The following TBL1XR1 variants were observed in gnomAD, a reference collection of about 807,000 sequenced individuals.
TBL1XR1 encodes F-box-like/WD repeat-containing protein TBL1XR1.
Under a neutral mutation model 66.9 loss-of-function variants are expected in TBL1XR1, and 5 were observed. The ratio of observed to expected loss-of-function variants is 0.07; its 90% CI spans 0.04 to 0.16. The LOEUF (loss-of-function observed/expected upper bound fraction) is 0.16, where lower values mean the gene tolerates loss of function less well. Ranked by LOEUF, TBL1XR1 falls within the 10% of genes least tolerant of loss-of-function variation. The pLI is 1.00. For synonymous variants in TBL1XR1, 210 were observed against 206.0 expected (o/e 1.02, Z -0.17); for missense variants, 238 against 623.2 (o/e 0.38, Z 6.58).
intron 1 of TBL1XR1, among the ~76,000 whole-genome samples, chr3:177,118,151 C>A (rs1053493559): frequency 3.3e-5 from 5 of 152,186 alleles, no homozygotes; most frequent in Non-Finnish European, 5.9e-5. Flanking sequence ...TACCCACATT[C>A]TAAGAAACTA....
chr3:177,158,065 A>T (rs1731722469), intron 1 of TBL1XR1, among the ~76,000 whole-genome samples: 1 of 152,032 alleles, frequency 6.6e-6, no homozygotes, highest in South Asian at 2.1e-4. Flanking sequence ...AGGCTATCTC[A>T]TATATCTTAA....
rs775501857 is a variant in TBL1XR1, at chr3:177,022,874, T to C, written c.*2624A>G. Reference sequence around the variant, plus strand: ...GCAAAAATAAACAATCGTATGCTCATGAAGAACCCAAGCCTACAAAATGGA... The same window carrying C: ...GCAAAAATAAACAATCGTATGCTCACGAAGAACCCAAGCCTACAAAATGGA... On this transcript the variant is annotated 3_prime_UTR_variant, in exon 16 of 16. Transcript: ENST00000457928. 1.3e-5 allele frequency: 2 copies of C among 152,398 alleles called. No homozygotes were observed. The highest frequency in any genetic ancestry group is 2.4e-5 in the African/African-American group (1 of 41,412). The allele number at this position is 152,398 out of a possible 1,614,324, so 9.4% of individuals were successfully genotyped here. A position where few individuals can be genotyped will look rare whatever the true frequency, so the allele number is the denominator to read the frequency against.
intron 1 of TBL1XR1, among the ~76,000 whole-genome samples, chr3:177,184,340 A>G (rs956685998): frequency 2.0e-5 from 3 of 152,214 alleles, no homozygotes; most frequent in Non-Finnish European, 2.9e-5. Context: ...CAAATACTAT[A>G]ATTATTAAAG....
chr3:177,180,772 T>C (rs1331799862), intron 1 of TBL1XR1, among the ~76,000 whole-genome samples: 1 of 151,892 alleles, frequency 6.6e-6, no homozygotes, highest in Non-Finnish European at 1.5e-5. Context: ...GATTTGCTCT[T>C]GTCACCCAGG....
At chr3:177,151,794 G>A (rs890846073) in intron 1 of TBL1XR1, among the ~76,000 whole-genome samples, 1 of 152,104 alleles carries the variant, frequency 6.6e-6, no homozygotes, top group African/African-American at 2.4e-5. Context: ...CCAGCCCAAG[G>A]CAGCAGATCA....
intron 2 of TBL1XR1, among the ~76,000 whole-genome samples, chr3:177,095,181 A>C (rs2108655984): frequency 6.6e-6 from 1 of 152,100 alleles, no homozygotes; most frequent in Non-Finnish European, 1.5e-5. Flanking sequence ...AAACAGAAAT[A>C]AAAGGTTGTT....
At chr3:177,112,101 ATATATAT>A (rs1222130131) in intron 1 of TBL1XR1, among the ~76,000 whole-genome samples, 245 of 48,180 alleles carry the variant, frequency 5.1e-3, no homozygotes, top group African/African-American at 0.025. Context: ...ATATATATAT[ATATATAT>A]TTTTTTTTTT....
chr3:177,151,742 A>G (rs1730912494), intron 1 of TBL1XR1, among the ~76,000 whole-genome samples: 1 of 152,180 alleles, frequency 6.6e-6, no homozygotes, highest in African/African-American at 2.4e-5. Context: ...CAAGGATAAA[A>G]AGAATTTTCC....
chr3:177,127,987 A>T (rs1402467005), intron 1 of TBL1XR1, among the ~76,000 whole-genome samples: 1 of 152,102 alleles, frequency 6.6e-6, no homozygotes, highest in Non-Finnish European at 1.5e-5. Context: ...GGGAGTCCGA[A>T]GCAAGCAGAT....
chr3:177,201,195 G>A (rs1021336654), upstream of TBL1XR1, among the ~76,000 whole-genome samples: 13 of 151,452 alleles, frequency 8.6e-5, no homozygotes, highest in African/African-American at 2.9e-4. Flanking sequence ...GGCGGATCAC[G>A]AGGTCGGGAG....
At position 177,143,106 on chromosome 3, in the gene TBL1XR1, A is replaced by G. The variant is rs530315850; in HGVS notation, c.-121-44565T>C. Among the ~76,000 whole-genome samples the G allele has an allele frequency of 2.6e-5, 4 of 151,672 alleles. No homozygotes were observed. The South Asian group carries it at 8.3e-4, about 32-fold the overall frequency. ...AGTACAAAAAGGCTGCAGAGAAAAT[A>G]TGTGTGGGAAATAAGCTTTGTTCAT... On this transcript the variant is annotated intron_variant, in intron 1 of 15. Transcript: ENST00000457928.
At position 177,112,918 on chromosome 3, in the gene TBL1XR1, G is replaced by A. The variant is rs1056559196; in HGVS notation, c.-121-14377C>T. On this transcript the variant is annotated intron_variant, in intron 1 of 15. Coordinates refer to ENST00000457928, the MANE Select transcript of TBL1XR1 (RefSeq NM_024665.7). ...CTCGGGAGGCTGAGGCAGGAGAATCGCTTGAATCTGAAAGGCGGAGGGAGG... is the reference window on the plus strand; with the variant it reads ...CTCGGGAGGCTGAGGCAGGAGAATCACTTGAATCTGAAAGGCGGAGGGAGG... 2.2e-4 allele frequency among the ~76,000 whole-genome samples: 34 copies of A among 152,076 alleles called. No individual in the cohort carries two copies. In the East Asian group the frequency reaches 3.3e-3, roughly 15 times the overall value.
chr3:177,131,298 G>C (rs559095320), intron 1 of TBL1XR1: 1 of 977,968 alleles, frequency 1.0e-6, no homozygotes, highest in Non-Finnish European at 1.2e-6. Context: ...TAATCATAAA[G>C]ACCCTTAAGA....
intron 14 of TBL1XR1, chr3:177,032,483 T>C (rs1477383680): frequency 6.6e-6 from 1 of 152,212 alleles, no homozygotes; most frequent in African/African-American, 2.4e-5. Flanking sequence ...ATTGAGAAGA[T>C]TTAAAAAATT....
At chr3:177,134,981 G>GTGTGTCTA (rs1728752565) in intron 1 of TBL1XR1, among the ~76,000 whole-genome samples, 1 of 147,334 alleles carries the variant, frequency 6.8e-6, no homozygotes, top group Admixed American at 6.7e-5. Flanking sequence ...GTGTGTGTCT[G>GTGTGTCTA]TGTGTGTGTG....
chr3:177,149,265 G>A (rs1730610244), intron 1 of TBL1XR1, among the ~76,000 whole-genome samples: 1 of 152,024 alleles, frequency 6.6e-6, no homozygotes, highest in Non-Finnish European at 1.5e-5. Flanking sequence ...AGTATCCCTG[G>A]CTTTCTCAAA....
At chr3:177,194,666 C>T (rs551593106) in intron 1 of TBL1XR1, among the ~76,000 whole-genome samples, 29 of 151,296 alleles carry the variant, frequency 1.9e-4, no homozygotes, top group Non-Finnish European at 3.5e-4. Context: ...AATACATTTC[C>T]TTTTATCAGT....
Position 177,173,326 on chromosome 3 carries a change from T to C in TBL1XR1, c.-122+23795A>G, listed in dbSNP as rs1490005250. Among the ~76,000 whole-genome samples, 6 of 152,232 alleles carry C rather than the reference T, an allele frequency of 3.9e-5. No homozygotes were observed. The South Asian group carries it at 6.2e-4, about 16-fold the overall frequency. ...TTGCCTTGCATGAGGGCTAGATTAGTAGACTCACTTCTAATGAGCAGGTTG... is the reference window on the plus strand; with the variant it reads ...TTGCCTTGCATGAGGGCTAGATTAGCAGACTCACTTCTAATGAGCAGGTTG... On this transcript the variant is annotated intron_variant, in intron 1 of 15. Coordinates refer to ENST00000457928, the MANE Select transcript of TBL1XR1 (RefSeq NM_024665.7).
intron 10 of TBL1XR1, among the ~76,000 whole-genome samples, chr3:177,045,180 T>A (rs1471333716): frequency 1.3e-5 from 2 of 152,122 alleles, no homozygotes; most frequent in African/African-American, 4.8e-5. Context: ...ATTTTAAAGT[T>A]GATGCTGTGC....
Sources: allele counts gnomAD v4.1 joint callset (sites outside exome capture counted in the v4.1 genomes callset), GRCh38; gene constraint gnomAD v4.1.1; transcripts MANE v1.5; gene names NCBI Gene and HGNC (gene_info 2026-07-23, HGNC 2026-07-21).